Variants in MPPE1 observed in about 807,000 individuals in gnomAD.
The protein encoded by MPPE1 is metallo phosphoesterase.
Under a neutral mutation model 43.8 loss-of-function variants are expected in MPPE1, and 28 were observed. The ratio of observed to expected loss-of-function variants is 0.64; its 90% CI spans 0.47 to 0.88. The LOEUF (loss-of-function observed/expected upper bound fraction) is 0.88, where lower values mean the gene tolerates loss of function less well. MPPE1 is among the 40% of genes least tolerant of loss of function. MPPE1 has a pLI of 0.00. For missense variants in MPPE1, 428 were observed against 492.2 expected (o/e 0.87, Z 1.23); for synonymous variants, 159 against 188.5 (o/e 0.84, Z 1.28).
rs745871081 is a variant in MPPE1 at position 11,884,653 on chromosome 18, C to G, written c.1009-26G>C. On this transcript the variant is annotated intron_variant, in intron 10 of 10. Transcript: ENST00000588072. ...CTGGAAAGGAGAAGGGAAAGTTATG[C>G]TGAGAGCACCAGGCACACGTTGAAC... 6 of 1,607,546 alleles carry G rather than the reference C, an allele frequency of 3.7e-6. No homozygotes were observed. The Admixed American group carries it at 6.7e-5, about 18-fold the overall frequency.
At chr18:11,899,191 A>G (rs887716963) in intron 2 of MPPE1, among the ~76,000 whole-genome samples, 5 of 152,190 alleles carry the variant, frequency 3.3e-5, no homozygotes, top group African/African-American at 1.2e-4. Context: ...CTAGGATTAC[A>G]GGCATGAGCC....
rs946807221 is a variant in MPPE1 at position 11,888,707 on chromosome 18, C to T, written c.531G>A (p.Val177=). The T allele has an allele frequency of 1.9e-6, 3 of 1,599,912 alleles. No homozygotes were observed. The highest frequency in any genetic ancestry group is 1.8e-5 in the Admixed American group (1 of 55,086). Residue 177 remains valine, a synonymous_variant, in exon 6 of 11, where the codon GTG becomes GTA. Coordinates refer to ENST00000588072, the MANE Select transcript of MPPE1 (RefSeq NM_023075.6). ...NTYKVERFEK[V]FSSERLFSWK... is the part of the protein sequence containing the mutation. ...AAGAAAACAGTCTTTCAGAGCTGAACACTTTCTCAAAGCGTTCTACTTTGT... is the reference window on the plus strand; with the variant it reads ...AAGAAAACAGTCTTTCAGAGCTGAATACTTTCTCAAAGCGTTCTACTTTGT...
At chr18:11,903,480 G>A (rs1402818778) in intron 2 of MPPE1, among the ~76,000 whole-genome samples, 1 of 152,168 alleles carries the variant, frequency 6.6e-6, no homozygotes, top group African/African-American at 2.4e-5. Flanking sequence ...CGCCAGAAGT[G>A]GGTCAGCCTA....
At chr18:11,902,110 C>T (rs1315859300) in intron 2 of MPPE1, among the ~76,000 whole-genome samples, 1 of 152,214 alleles carries the variant, frequency 6.6e-6, no homozygotes, top group African/African-American at 2.4e-5. Flanking sequence ...CAACTGGGGA[C>T]AGCTTTGAGT....
intron 10 of MPPE1, chr18:11,885,152 G>A: frequency 3.5e-6 from 3 of 862,810 alleles, no homozygotes; most frequent in South Asian, 1.8e-5. Context: ...GAAAATGTTA[G>A]GGTTTCCTCC....
intron 2 of MPPE1, among the ~76,000 whole-genome samples, chr18:11,900,438 G>GGCA (rs2039025388): frequency 6.6e-6 from 1 of 151,994 alleles, no homozygotes. Flanking sequence ...CCCAGGACCT[G>GGCA]GAGGTTGCAG....
intron 3 of MPPE1, among the ~76,000 whole-genome samples, chr18:11,894,021 G>A (rs1161186703): frequency 6.6e-6 from 1 of 152,130 alleles, no homozygotes; most frequent in South Asian, 2.1e-4. Context: ...TTGGAGGGGA[G>A]ATGACAAGAG....
rs372529755 is a variant in MPPE1, at chr18:11,900,759, T to C, written c.-92-3403A>G. ...CATCTCTACTAAAAATACAAAAAATTAGCCAGGCGTGGTGGCAGACGCCTG... is the reference window on the plus strand; with the variant it reads ...CATCTCTACTAAAAATACAAAAAATCAGCCAGGCGTGGTGGCAGACGCCTG... On this transcript the variant is annotated intron_variant, in intron 2 of 10. Transcript: ENST00000588072. Among the ~76,000 whole-genome samples, 458 of 151,534 alleles carry C rather than the reference T, an allele frequency of 3.0e-3. 8 individuals carry two copies. Among genetic ancestry groups the C allele is most frequent in the South Asian group, 0.028 (133 of 4,788 alleles).
chr18:11,886,270 G>C lies in MPPE1; in HGVS notation c.867+229C>G, dbSNP rs956424454. The C allele has an allele frequency of 7.1e-6, 4 of 564,326 alleles. No homozygotes were observed. 35.0% of individuals were successfully genotyped at this position (564,326 alleles called of 1,614,324 possible). On this transcript the variant is annotated intron_variant, in intron 9 of 10. Coordinates refer to ENST00000588072, the MANE Select transcript of MPPE1 (RefSeq NM_023075.6). This position sits in a 1 kb window ranked among gnomAD's most constrained non-coding sequence, Gnocchi z 4.1. ...ACAAAGAATAGCTGAGACTATTACT[G>C]ACTTGAGGGTAGGAAACAGAAGTAG...
chr18:11,906,907 T>C (rs936907758), intron 1 of MPPE1, among the ~76,000 whole-genome samples: 3 of 152,060 alleles, frequency 2.0e-5, no homozygotes, highest in African/African-American at 4.8e-5. Flanking sequence ...TATTTATTTA[T>C]TTATTTATTT....
intron 6 of MPPE1, 83 bp downstream of exon 6, chr18:11,888,586 T>C (rs1188174471): frequency 1.3e-6 from 1 of 794,674 alleles, no homozygotes; most frequent in South Asian, 1.6e-5. Context: ...AGGTAGATGA[T>C]AGATCCCAGT....
At chr18:11,895,090 G>C (rs1239473629) in intron 3 of MPPE1, 3 of 152,162 alleles carry the variant, frequency 2.0e-5, no homozygotes, top group Non-Finnish European at 2.9e-5. Context: ...TCCTTTTTAA[G>C]GCATTTTCCT....
intron 6 of MPPE1, 151 bp from the exon 7 acceptor site, chr18:11,887,176 T>TA (rs1254661718): frequency 5.1e-6 from 3 of 592,496 alleles, no homozygotes; most frequent in Non-Finnish European, 5.9e-6. Flanking sequence ...GGTGTATTTT[T>TA]AAATATGAGT....
chr18:11,900,779 C>T (rs112366023), intron 2 of MPPE1, among the ~76,000 whole-genome samples: 22,259 of 151,542 alleles, frequency 0.15, 1,766 homozygotes, highest in South Asian at 0.23. Context: ...TGGTGGCAGA[C>T]GCCTGTAGTC....
At chr18:11,906,901 TA>T (rs1380749221) in intron 1 of MPPE1, among the ~76,000 whole-genome samples, 1 of 149,790 alleles carries the variant, frequency 6.7e-6, no homozygotes, top group East Asian at 1.9e-4. Flanking sequence ...AATTTGTATT[TA>T]TTTATTTATT....
intron 2 of MPPE1, among the ~76,000 whole-genome samples, chr18:11,900,636 A>G (rs538605170): frequency 1.2e-3 from 185 of 152,250 alleles, no homozygotes; most frequent in South Asian, 2.9e-3. Context: ...AGCCAGGCAC[A>G]GTGGCTCACA....
intron 3 of MPPE1, among the ~76,000 whole-genome samples, chr18:11,895,948 T>G (rs1400598273): frequency 6.6e-6 from 1 of 152,096 alleles, no homozygotes; most frequent in Admixed American, 6.6e-5. Context: ...AGAAGGCTAC[T>G]TGGCGAGACC....
At position 11,897,140 on chromosome 18, in the gene MPPE1, T is replaced by C. The variant is rs778622732; in HGVS notation, c.125A>G (p.Tyr42Cys). The C allele has an allele frequency of 9.2e-6, 13 of 1,417,380 alleles. No individual in the cohort carries two copies. Among genetic ancestry groups the C allele is most frequent in the African/African-American group, 8.6e-5 (6 of 70,128 alleles). 87.8% of individuals were successfully genotyped at this position (1,417,380 alleles called of 1,614,324 possible). The change falls in exon 3 of 11, where the codon TAT becomes TGT. Residue 42 changes from tyrosine to cysteine, a missense_variant. By Grantham distance (194) the Tyr-to-Cys change is radical (BLOSUM62 -2). Around this residue, in one of 3 missense-constraint regions of MPPE1, gnomAD observed 48 missense variants for 73.5 expected, o/e 0.65. Coordinates refer to ENST00000588072, the MANE Select transcript of MPPE1 (RefSeq NM_023075.6). ...ATTACACTGAAAGATCGCTAAGTAATAGATTAAAAATTCACAAAATAGAAG... is the reference window on the plus strand; with the variant it reads ...ATTACACTGAAAGATCGCTAAGTAACAGATTAAAAATTCACAAAATAGAAG... The part of the protein sequence containing the change: ...AVLLFCEFLI[Y>C]YLAIFQCNWP...
At chr18:11,904,024 A>C (rs2039453533) in intron 2 of MPPE1, among the ~76,000 whole-genome samples, 1 of 152,212 alleles carries the variant, frequency 6.6e-6, no homozygotes, top group Non-Finnish European at 1.5e-5. Flanking sequence ...AGGTTGCTGC[A>C]GATCTGTATG....
Sources: allele counts gnomAD v4.1 joint callset (sites outside exome capture counted in the v4.1 genomes callset), GRCh38; gene constraint gnomAD v4.1.1; regional missense constraint gnomAD v4.1.1; non-coding constraint Gnocchi (gnomAD v3.1); transcripts MANE v1.5; gene names NCBI Gene and HGNC (gene_info 2026-07-23, HGNC 2026-07-21).